The following METTL15 variants were observed in gnomAD, a reference collection of about 807,000 sequenced individuals.
METTL15 encodes the protein methyltransferase 15, mitochondrial 12S rRNA N4-cytidine, also known as 12S rRNA N(4)-cytidine methyltransferase METTL15.
A neutral mutation model predicts 38.3 loss-of-function variants in METTL15; 34 were observed. The ratio of observed to expected loss-of-function variants is 0.89; its 90% confidence interval spans 0.68 to 1.18. The LOEUF (loss-of-function observed/expected upper bound fraction) is 1.18, where lower values mean the gene tolerates loss of function less well. METTL15 is among the 50% of genes most tolerant of loss of function. METTL15 has a pLI of 0.00. For synonymous variants in METTL15, 162 were observed against 170.9 expected (o/e 0.95, Z 0.41); for missense variants, 438 against 498.4 (o/e 0.88, Z 1.15).
intron 6 of METTL15, among the ~76,000 whole-genome samples, chr11:28,428,929 T>G (rs1363136208): frequency 6.6e-6 from 1 of 152,214 alleles, no homozygotes; most frequent in Non-Finnish European, 1.5e-5. Flanking sequence ...GGAGCCATGC[T>G]AATTCTCTGG....
intron 4 of METTL15, among the ~76,000 whole-genome samples, chr11:28,225,624 G>C (rs1442680686): frequency 6.6e-6 from 1 of 150,964 alleles, no homozygotes; most frequent in African/African-American, 2.4e-5. Context: ...ATGCTTATTC[G>C]ATACAGTTCT....
chr11:28,189,949 A>G (rs1334430340), intron 3 of METTL15, among the ~76,000 whole-genome samples: 4 of 151,260 alleles, frequency 2.6e-5, no homozygotes, highest in Non-Finnish European at 4.5e-5. Flanking sequence ...TTGCAATGCT[A>G]TTGATTTATA....
chr11:28,167,017 C>G (rs1029355143), intron 3 of METTL15, among the ~76,000 whole-genome samples: 4 of 152,162 alleles, frequency 2.6e-5, no homozygotes, highest in African/African-American at 7.2e-5. Flanking sequence ...TCCGGCACTT[C>G]TGACCTAACC....
chr11:28,375,989 C>G (rs937462928), intron 5 of METTL15, among the ~76,000 whole-genome samples: 2 of 152,108 alleles, frequency 1.3e-5, no homozygotes, highest in African/African-American at 4.8e-5. Flanking sequence ...GAGTAAGATT[C>G]TTAATCCTAA....
chr11:28,376,139 T>A (rs2133379894), intron 5 of METTL15, among the ~76,000 whole-genome samples: 1 of 152,038 alleles, frequency 6.6e-6, no homozygotes, highest in Non-Finnish European at 1.5e-5. Context: ...AAAATGTATA[T>A]TCTGTTGATT....
rs557225211 is a variant in METTL15 at position 28,200,552 on chromosome 11, G to A, written c.271-10510G>A. Among the ~76,000 whole-genome samples the A allele has an allele frequency of 5.9e-5, 9 of 152,156 alleles. No individual in the cohort carries two copies. The South Asian group carries it at 1.2e-3, about 21-fold the overall frequency. On this transcript the variant is annotated intron_variant, in intron 3 of 6. Coordinates refer to ENST00000407364, the MANE Select transcript of METTL15 (RefSeq NM_001113528.2). ...GCTTTACGCTAGTGGAAGCCTTCAG[G>A]TCATCACTATTTTCTCACACCCTAC...
intron 6 of METTL15, among the ~76,000 whole-genome samples, chr11:28,325,042 A>T (rs1238026936): frequency 6.6e-6 from 1 of 152,126 alleles, no homozygotes; most frequent in Non-Finnish European, 1.5e-5. Flanking sequence ...TTCTCTGGGC[A>T]TGAGCGAGCC....
intron 3 of METTL15, among the ~76,000 whole-genome samples, chr11:28,339,293 C>T (rs2133352752): frequency 6.6e-6 from 1 of 151,918 alleles, no homozygotes; most frequent in Admixed American, 6.6e-5. Context: ...ATGAAGAATA[C>T]ATATAATAAA....
chr11:28,501,187 A>G (rs1851580013), intron 6 of METTL15, among the ~76,000 whole-genome samples: 1 of 152,210 alleles, frequency 6.6e-6, no homozygotes, highest in Non-Finnish European at 1.5e-5. Flanking sequence ...TGGGGTGGAA[A>G]CAGTAGATGG....
chr11:28,286,504 G>A (rs12271943), intron 4 of METTL15, among the ~76,000 whole-genome samples: 22,505 of 152,016 alleles, frequency 0.15, 1,836 homozygotes, highest in East Asian at 0.28. Flanking sequence ...CTTTACAGTA[G>A]CTAACAGTAC....
intron 5 of METTL15, among the ~76,000 whole-genome samples, chr11:28,414,944 G>T (rs544779522): frequency 6.6e-6 from 1 of 152,320 alleles, no homozygotes; most frequent in African/African-American, 2.4e-5. Context: ...TTTGAAGCTT[G>T]CATTGCTGTA....
At chr11:28,177,746 A>G (rs1011659657) in intron 3 of METTL15, among the ~76,000 whole-genome samples, 2 of 151,962 alleles carry the variant, frequency 1.3e-5, no homozygotes, top group Non-Finnish European at 2.9e-5. Flanking sequence ...GTTGGAGTCT[A>G]TTGGAAATTA....
At chr11:28,193,199 T>A (rs1325898657) in intron 3 of METTL15, among the ~76,000 whole-genome samples, 2 of 152,076 alleles carry the variant, frequency 1.3e-5, no homozygotes, top group Non-Finnish European at 2.9e-5. Flanking sequence ...TATAGATGTT[T>A]ACCCTCTGTA....
chr11:28,367,563 A>G (rs955084165), intron 5 of METTL15, among the ~76,000 whole-genome samples: 3 of 152,196 alleles, frequency 2.0e-5, no homozygotes, highest in Non-Finnish European at 1.5e-5. Context: ...CCATCAAGCT[A>G]TCACTGACTT....
At chr11:28,187,087 G>A (rs1451752843) in intron 3 of METTL15, among the ~76,000 whole-genome samples, 1 of 151,092 alleles carries the variant, frequency 6.6e-6, no homozygotes. Context: ...CTTCTTAGAA[G>A]TAAATAATAG....
chr11:28,459,594 T>C (rs1294898333), intron 6 of METTL15, among the ~76,000 whole-genome samples: 2 of 152,120 alleles, frequency 1.3e-5, no homozygotes, highest in South Asian at 2.1e-4. Flanking sequence ...ATTTTAGGAG[T>C]TGGGAAATTG....
chr11:28,271,050 A>G (rs560401048), intron 4 of METTL15, among the ~76,000 whole-genome samples: 2 of 152,300 alleles, frequency 1.3e-5, no homozygotes, highest in African/African-American at 2.4e-5. Context: ...GTTAGCTATT[A>G]TATCAAAAAT....
At chr11:28,235,656 T>G (rs1212876045) in intron 4 of METTL15, among the ~76,000 whole-genome samples, 1 of 152,214 alleles carries the variant, frequency 6.6e-6, no homozygotes, top group Non-Finnish European at 1.5e-5. Context: ...ACATTGATTT[T>G]GTATCCTGAG....
chr11:28,483,444 C>T (rs1440723904), intron 6 of METTL15, among the ~76,000 whole-genome samples: 3 of 152,184 alleles, frequency 2.0e-5, no homozygotes, highest in Non-Finnish European at 4.4e-5. Flanking sequence ...AGCTGTAAGC[C>T]AGGCAGACTT....
Sources: gnomAD v4.1 joint callset for allele counts (sites outside exome capture counted in the v4.1 genomes callset) on GRCh38, gnomAD v4.1.1 for gene constraint, MANE v1.5 for transcripts, NCBI Gene and HGNC (gene_info 2026-07-23, HGNC 2026-07-21) for gene names.